The following DGUOK variants were observed in gnomAD, a reference collection of about 807,000 sequenced individuals.
The protein encoded by DGUOK is deoxyguanosine kinase.
A neutral mutation model predicts 36.6 loss-of-function variants in DGUOK; 30 were observed. That is an observed-to-expected ratio of 0.82 (90% confidence interval 0.61 to 1.11). DGUOK has a LOEUF of 1.11. Ranked by LOEUF, DGUOK falls within the 50% of genes most tolerant of loss-of-function variation. DGUOK has a pLI of 0.00. For synonymous variants in DGUOK, 145 were observed against 126.3 expected (o/e 1.15, Z -0.99); for missense variants, 361 against 336.4 (o/e 1.07, Z -0.57).
At chr2:73,952,375 G>A (rs1432392958) in intron 4 of DGUOK, among the ~76,000 whole-genome samples, 2 of 152,198 alleles carry the variant, frequency 1.3e-5, no homozygotes, top group Admixed American at 6.5e-5. Context: ...TAGTGTCAGC[G>A]ATTGTGGGGA....
At chr2:73,946,505 A>C (rs1356906699) in intron 2 of DGUOK, among the ~76,000 whole-genome samples, 1 of 152,178 alleles carries the variant, frequency 6.6e-6, no homozygotes, top group Admixed American at 6.5e-5. Flanking sequence ...AGAGAGTCTT[A>C]TTTAATAGGT....
intron 1 of DGUOK, among the ~76,000 whole-genome samples, chr2:73,927,331 A>G (rs1680678273): frequency 6.6e-6 from 1 of 152,260 alleles, no homozygotes; most frequent in South Asian, 2.1e-4. Context: ...TGTTTGTAAT[A>G]GATCGAAATT....
chr2:73,932,774 T>C lies in DGUOK; in HGVS notation c.142+5722T>C, dbSNP rs1573509040. On this transcript the variant is annotated intron_variant, in intron 1 of 6. Transcript: ENST00000264093. ...GCAGACAGCGGCATGTAAGGAAAAT[T>C]GATCAGTGAAGTAGCAACTAATGGC... is the stretch of plus-strand genomic sequence containing the variant. 1.2e-5 allele frequency: 7 copies of C among 601,954 alleles called. No individual in the cohort carries two copies. The East Asian group carries it at 5.2e-4, about 45-fold the overall frequency. 37.3% of individuals were successfully genotyped at this position (601,954 alleles called of 1,614,324 possible).
rs1202278326 is a variant in DGUOK at position 73,958,183 on chromosome 2, GT to G, written c.746del (p.Val249GlyfsTer12). The G allele has an allele frequency of 6.8e-6, 11 of 1,613,756 alleles. No individual in the cohort carries two copies. Among genetic ancestry groups the G allele is most frequent in the Non-Finnish European group, 9.3e-6 (11 of 1,179,844 alleles). ...FEALMNIPVL[V>X]LDVNDDFSEE... ...GGCTCTGATGAACATTCCAGTGCTG[GT>G]GTTGGATGTCAATGATGATTTTTCT... On this transcript the variant is annotated frameshift_variant, in exon 6 of 7. Coordinates refer to ENST00000264093, the MANE Select transcript of DGUOK (RefSeq NM_080916.3). LOFTEE classifies it high-confidence loss of function.
At chr2:73,957,376 T>G (rs1573582753) in intron 5 of DGUOK, 136 bp downstream of exon 5, 1 of 742,772 alleles carries the variant, frequency 1.3e-6, no homozygotes, top group Non-Finnish European at 2.4e-6. Context: ...GTCAAGCATT[T>G]TCCAACTCAG....
intron 1 of DGUOK, among the ~76,000 whole-genome samples, chr2:73,930,461 G>A (rs1333411787): frequency 6.6e-6 from 1 of 152,168 alleles, no homozygotes; most frequent in African/African-American, 2.4e-5. Flanking sequence ...ATGATGTTTT[G>A]TACTGTACTT....
chr2:73,927,137 C>G, intron 1 of DGUOK, 85 bp downstream of exon 1: 1 of 1,575,734 alleles, frequency 6.3e-7, no homozygotes, highest in Non-Finnish European at 8.6e-7. Flanking sequence ...CCGGAATGGC[C>G]TGCGTCTGAT....
intron 4 of DGUOK, among the ~76,000 whole-genome samples, chr2:73,951,520 TG>T (rs1010731403): frequency 5.4e-4 from 82 of 152,166 alleles, no homozygotes; most frequent in African/African-American, 2.0e-3. Flanking sequence ...TATAGTCAAA[TG>T]CCAGATATAC....
chr2:73,937,448 A>C (rs141284233), intron 1 of DGUOK, among the ~76,000 whole-genome samples: 295 of 152,376 alleles, frequency 1.9e-3, no homozygotes, highest in African/African-American at 6.4e-3. Context: ...GAAAGGCAAG[A>C]GATGATAAGA....
At chr2:73,941,194 C>T (rs936182018) in intron 2 of DGUOK, among the ~76,000 whole-genome samples, 2 of 152,142 alleles carry the variant, frequency 1.3e-5, no homozygotes, top group African/African-American at 2.4e-5. Context: ...TGAACAGGTA[C>T]GTGAGTCTTT....
Position 73,950,677 on chromosome 2 carries a change from A to T in DGUOK, c.536A>T (p.Glu179Val), listed in dbSNP as rs750131556. The T allele has an allele frequency of 6.2e-7, 1 of 1,614,078 alleles. No individual in the cohort carries two copies. Among genetic ancestry groups the T allele is most frequent in the Non-Finnish European group, 8.5e-7 (1 of 1,180,036 alleles). ...GACTGGCATTCTTTTCTCCTGTGGG[A>T]GTTTGCCAGCCGGATCACATTACAT... ...YQDWHSFLLWEFASRITLHGF... is the reference protein window; with the variant it reads ...YQDWHSFLLWVFASRITLHGF... The change falls in exon 4 of 7, where the codon GAG becomes GTG. Residue 179 changes from glutamate (E) to valine (V), a missense_variant. Physicochemically the swap from Glu to Val is moderately radical, Grantham distance 121. Coordinates refer to ENST00000264093, the MANE Select transcript of DGUOK (RefSeq NM_080916.3).
chr2:73,937,234 T>A (rs1681536492), intron 1 of DGUOK, among the ~76,000 whole-genome samples: 1 of 152,234 alleles, frequency 6.6e-6, no homozygotes, highest in African/African-American at 2.4e-5. Flanking sequence ...AATTCAGACC[T>A]CTTACCATGG....
chr2:73,927,918 A>G (rs893048267), intron 1 of DGUOK, among the ~76,000 whole-genome samples: 22 of 152,216 alleles, frequency 1.4e-4, no homozygotes, highest in Admixed American at 9.2e-4. Context: ...TTCATTCAAC[A>G]AATCACCTTT....
At position 73,958,749 on chromosome 2, in the gene DGUOK, A is replaced by T. The variant is rs4777; in HGVS notation, c.*13A>T. ...AAAGAATCTGTAACCAATACCATGAAGTTCAGGCTGTGATCTGGGCTCCCT... is the reference window on the plus strand; with the variant it reads ...AAAGAATCTGTAACCAATACCATGATGTTCAGGCTGTGATCTGGGCTCCCT... On this transcript the variant is annotated 3_prime_UTR_variant, in exon 7 of 7. Coordinates refer to ENST00000264093, the MANE Select transcript of DGUOK (RefSeq NM_080916.3). 0.59 allele frequency: 950,057 copies of T among 1,605,462 alleles called. 283,273 individuals are homozygous for T. The highest frequency in any genetic ancestry group is 0.6 in the Non-Finnish European group (705,040 of 1,172,262).
intron 1 of DGUOK, among the ~76,000 whole-genome samples, chr2:73,935,655 T>G (rs1276290638): frequency 1.3e-5 from 2 of 152,198 alleles, no homozygotes; most frequent in Non-Finnish European, 2.9e-5. Context: ...TGCCCTGTAG[T>G]GAATTACCCA....
chr2:73,948,566 A>G (rs1682497411), intron 3 of DGUOK, among the ~76,000 whole-genome samples: 1 of 152,242 alleles, frequency 6.6e-6, no homozygotes, highest in South Asian at 2.1e-4. Context: ...GGGCTGCAGC[A>G]GTGAATAAGG....
intron 2 of DGUOK, among the ~76,000 whole-genome samples, chr2:73,943,505 TAAATG>T (rs1173438116): frequency 2.6e-4 from 40 of 151,946 alleles, no homozygotes; most frequent in Non-Finnish European, 4.4e-5. Flanking sequence ...GTTATGAAAA[TAAATG>T]GAGAAATTTT....
At chr2:73,930,746 C>A (rs1439822062) in intron 1 of DGUOK, among the ~76,000 whole-genome samples, 1 of 146,112 alleles carries the variant, frequency 6.8e-6, no homozygotes, top group Non-Finnish European at 1.5e-5. Flanking sequence ...TCACAACTCA[C>A]AACTAAGTAG....
chr2:73,930,749 C>G (rs1398150608), intron 1 of DGUOK, among the ~76,000 whole-genome samples: 1 of 148,370 alleles, frequency 6.7e-6, no homozygotes, highest in Admixed American at 6.7e-5. Flanking sequence ...CAACTCACAA[C>G]TAAGTAGGAG....
Sources: gnomAD v4.1 joint callset for allele counts (sites outside exome capture counted in the v4.1 genomes callset) on GRCh38, gnomAD v4.1.1 for gene constraint, MANE v1.5 for transcripts, NCBI Gene and HGNC (gene_info 2026-07-23, HGNC 2026-07-21) for gene names.